The following GREM2 variants were observed in gnomAD, a reference collection of about 807,000 sequenced individuals.
GREM2 encodes gremlin 2, DAN family BMP antagonist.
A neutral mutation model predicts 14.2 loss-of-function variants in GREM2; 11 were observed. The observed-to-expected ratio is 0.78, with a 90% CI of 0.49 to 1.28. The LOEUF is 1.28. Ranked by LOEUF, GREM2 falls within the 50% of genes most tolerant of loss-of-function variation. The pLI, the probability that GREM2 is intolerant of heterozygous loss-of-function variation, is 0.00. For missense variants in GREM2, 210 were observed against 218.5 expected (o/e 0.96, Z 0.24); for synonymous variants, 98 against 97.6 (o/e 1.00, Z -0.02).
At chr1:240,539,831 T>C (rs1260954750) in intron 1 of GREM2, among the ~76,000 whole-genome samples, 1 of 152,032 alleles carries the variant, frequency 6.6e-6, no homozygotes, top group Non-Finnish European at 1.5e-5. Context: ...TCTGCCTTCC[T>C]GCTTCACACT....
intron 1 of GREM2, among the ~76,000 whole-genome samples, chr1:240,496,149 C>G (rs1175048472): frequency 5.3e-5 from 8 of 152,076 alleles, no homozygotes; most frequent in African/African-American, 1.4e-4. Flanking sequence ...GTTGGCCAGG[C>G]TGGTCTCGAA....
At position 240,612,032 on chromosome 1, in the gene GREM2, A is replaced by T. The variant is rs1272334834; in HGVS notation, c.-150T>A. 2.6e-5 allele frequency: 4 copies of T among 152,772 alleles called. No individual in the cohort carries two copies. Among genetic ancestry groups the T allele is most frequent in the Non-Finnish European group, 5.9e-5 (4 of 68,140 alleles). The allele number at this position is 152,772 out of a possible 1,614,324, so 9.5% of individuals were successfully genotyped here. On this transcript the variant is annotated 5_prime_UTR_variant, in exon 1 of 2. Coordinates refer to ENST00000318160, the MANE Select transcript of GREM2 (RefSeq NM_022469.4). ...TTCAGTTCGACCGCAGCCAGACTGC[A>T]GCAGACGCCCATAAGAGAAGCGCGC... is the stretch of plus-strand genomic sequence containing the variant.
chr1:240,510,369 C>CAAAAAAAAAA (rs71170753), intron 1 of GREM2, among the ~76,000 whole-genome samples: 4 of 59,552 alleles, frequency 6.7e-5, no homozygotes, highest in Non-Finnish European at 8.9e-5. Context: ...GACTCCGTCG[C>CAAAAAAAAAA]AAAAAAAAAA....
chr1:240,550,402 T>A (rs546870927), intron 1 of GREM2: 2 of 136,008 alleles, frequency 1.5e-5, no homozygotes, highest in African/African-American at 2.6e-5. Flanking sequence ...TAATGATTTG[T>A]TAAAACAAAC....
In GREM2 at chr1:240,493,266, A is replaced by G. The variant is rs749005477; in HGVS notation, c.210T>C (p.Ser70=). 2 of 1,613,474 alleles carry G rather than the reference A, an allele frequency of 1.2e-6. No homozygotes were observed. The highest frequency in any genetic ancestry group is 2.2e-5 in the East Asian group (1 of 44,828). ...LVVTERKYLK[S]DWCKTQPLRQ... is the part of the protein sequence containing the mutation. The stretch of plus-strand genomic sequence containing the variant: ...GCAGCGGCTGCGTCTTGCACCAGTC[A>G]CTCTTGAGGTACTTGCGCTCGGTGA... The change falls in exon 2 of 2, where the codon AGT becomes AGC. Residue 70 remains serine (S), a synonymous_variant. Transcript: ENST00000318160.
intron 1 of GREM2, among the ~76,000 whole-genome samples, chr1:240,521,068 T>G (rs1420815840): frequency 3.3e-5 from 5 of 152,110 alleles, no homozygotes; most frequent in Admixed American, 1.3e-4. Context: ...ATAACTGTGG[T>G]TTAGGTGAAA....
At chr1:240,506,449 C>A (rs755209721) in intron 1 of GREM2, among the ~76,000 whole-genome samples, 12 of 152,150 alleles carry the variant, frequency 7.9e-5, no homozygotes, top group Admixed American at 2.0e-4. Context: ...TTCAAGTTAG[C>A]TTTATTGACA....
At chr1:240,563,122 A>C (rs1447143678) in intron 1 of GREM2, among the ~76,000 whole-genome samples, 2 of 101,884 alleles carry the variant, frequency 2.0e-5, no homozygotes, top group Admixed American at 9.3e-5. Flanking sequence ...TGTATATGTG[A>C]GTGTGTATGT....
At chr1:240,578,148 C>T (rs1679406865) in intron 1 of GREM2, among the ~76,000 whole-genome samples, 1 of 152,056 alleles carries the variant, frequency 6.6e-6, no homozygotes, top group Admixed American at 6.6e-5. Context: ...TTTTTTGAGA[C>T]TGAGTCTCAC....
intron 1 of GREM2, among the ~76,000 whole-genome samples, chr1:240,591,271 T>A (rs941933099): frequency 1.3e-5 from 2 of 152,188 alleles, no homozygotes; most frequent in Admixed American, 1.3e-4. Flanking sequence ...AATCATACAG[T>A]TATGATCCTC....
At chr1:240,495,952 T>TGTTTTTG (rs1553271431) in intron 1 of GREM2, among the ~76,000 whole-genome samples, 1 of 149,288 alleles carries the variant, frequency 6.7e-6, no homozygotes, top group African/African-American at 2.4e-5. Flanking sequence ...TTTTTGTTTT[T>TGTTTTTG]TTTTTGATGG....
chr1:240,596,837 T>C (rs1679827798), intron 1 of GREM2, among the ~76,000 whole-genome samples: 1 of 152,172 alleles, frequency 6.6e-6, no homozygotes, highest in Admixed American at 6.5e-5. Flanking sequence ...TACCCAAACT[T>C]ACGCTCTGAT....
chr1:240,573,324 A>G (rs898695848), intron 1 of GREM2, among the ~76,000 whole-genome samples: 6 of 152,124 alleles, frequency 3.9e-5, no homozygotes, highest in African/African-American at 1.2e-4. Context: ...AAAAACATAA[A>G]ATAAAAAACA....
Position 240,540,291 on chromosome 1 carries a change from A to G in GREM2, c.-1-46815T>C, listed in dbSNP as rs1017572397. ...TGCCCTAATTTTCTTTGTCTAGACTAACTTATTGCATTGAAGAGCTCCTTC... is the reference window on the plus strand; with the variant it reads ...TGCCCTAATTTTCTTTGTCTAGACTGACTTATTGCATTGAAGAGCTCCTTC... On this transcript the variant is annotated intron_variant, in intron 1 of 1. Transcript: ENST00000318160. This position sits in a 1 kb window ranked among gnomAD's most constrained non-coding sequence, Gnocchi z 4.2. Among the ~76,000 whole-genome samples, 1 of 152,166 alleles carries G rather than the reference A, an allele frequency of 6.6e-6. No homozygotes were observed. The highest frequency in any genetic ancestry group is 1.5e-5 in the Non-Finnish European group (1 of 68,038).
chr1:240,514,691 C>G (rs12064893), intron 1 of GREM2, among the ~76,000 whole-genome samples: 51,479 of 152,028 alleles, frequency 0.34, 9,927 homozygotes, highest in African/African-American at 0.53. Flanking sequence ...ATGAGGCCAG[C>G]AGCCCGAGAC....
At chr1:240,532,633 A>G (rs1349855500) in intron 1 of GREM2, among the ~76,000 whole-genome samples, 3 of 113,862 alleles carry the variant, frequency 2.6e-5, no homozygotes, top group Non-Finnish European at 5.7e-5. Flanking sequence ...TTTATATAAG[A>G]GATATATATA....
At chr1:240,555,160 A>C (rs1337617368) in intron 1 of GREM2, among the ~76,000 whole-genome samples, 17 of 152,088 alleles carry the variant, frequency 1.1e-4, no homozygotes, top group Admixed American at 1.1e-3. Flanking sequence ...AAAAGAAAGA[A>C]AGAAAGAAAG....
intron 1 of GREM2, among the ~76,000 whole-genome samples, chr1:240,592,137 G>T (rs188008602): frequency 1.2e-4 from 18 of 152,180 alleles, no homozygotes; most frequent in Non-Finnish European, 2.4e-4. Flanking sequence ...AATGTAGACA[G>T]GCAGGTAAAT....
intron 1 of GREM2, among the ~76,000 whole-genome samples, chr1:240,595,904 C>A (rs1679811413): frequency 6.6e-6 from 1 of 152,124 alleles, no homozygotes; most frequent in African/African-American, 2.4e-5. Context: ...ACCTTTTCCT[C>A]AAGGGGGAGT....
Sources: allele counts gnomAD v4.1 joint callset (sites outside exome capture counted in the v4.1 genomes callset), GRCh38; gene constraint gnomAD v4.1.1; non-coding constraint Gnocchi (gnomAD v3.1); transcripts MANE v1.5; gene names NCBI Gene and HGNC (gene_info 2026-07-23, HGNC 2026-07-21).